The following DEPDC5 variants were observed in gnomAD, a reference collection of about 807,000 sequenced individuals.
DEPDC5 encodes the protein DEP domain containing 5, GATOR1 subcomplex subunit.
DEPDC5 carries 73 observed loss-of-function variants against 217.3 expected under a neutral mutation model. The ratio of observed to expected loss-of-function variants is 0.34; its 90% CI spans 0.28 to 0.41. The LOEUF is 0.41. Among genes scored for constraint, DEPDC5 ranks in the 10% least tolerant of loss-of-function variants. The pLI, the probability that DEPDC5 is intolerant of heterozygous loss-of-function variation, is 1.00. For missense variants in DEPDC5, 1,675 were observed against 2,070.1 expected (o/e 0.81, Z 3.70); for synonymous variants, 733 against 756.7 (o/e 0.97, Z 0.51).
At chr22:31,755,084 A>G (rs1248729953) in intron 2 of DEPDC5, 105 bp downstream of exon 2, 1 of 1,343,782 alleles carries the variant, frequency 7.4e-7, no homozygotes, top group South Asian at 1.2e-5. Context: ...GAGGCTAAAC[A>G]GGCGACTAAA....
At position 31,842,603 on chromosome 22, in the gene DEPDC5, A is replaced by T. The variant is rs570536518; in HGVS notation, c.2516-492A>T. Reference sequence around the variant, plus strand: ...AAAAAAAAAAAAAAAAAGAAACAACATGAGCAAATATTTGCAGCAAATCAA... The same window carrying T: ...AAAAAAAAAAAAAAAAAGAAACAACTTGAGCAAATATTTGCAGCAAATCAA... On this transcript the variant is annotated intron_variant, in intron 27 of 42. Coordinates refer to ENST00000651528, the MANE Select transcript of DEPDC5 (RefSeq NM_001242896.3). Among the ~76,000 whole-genome samples, 14 of 151,756 alleles carry T rather than the reference A, an allele frequency of 9.2e-5. 1 individual carries two copies. In the East Asian group the frequency reaches 2.7e-3, roughly 29 times the overall value.
chr22:31,822,118 T>C (rs1036950161), intron 23 of DEPDC5, among the ~76,000 whole-genome samples: 3 of 152,248 alleles, frequency 2.0e-5, no homozygotes, highest in African/African-American at 7.2e-5. Flanking sequence ...ACAACTCTTT[T>C]TGAACCAATG....
intron 11 of DEPDC5, 151 bp downstream of exon 11, chr22:31,792,253 A>G: frequency 1.6e-6 from 1 of 624,172 alleles, no homozygotes; most frequent in Non-Finnish European, 2.8e-6. Flanking sequence ...AAAGTAGCAC[A>G]GTCCGTTAGT....
chr22:31,810,699 T>C (rs2088191948), intron 20 of DEPDC5, 58 bp downstream of exon 20: 2 of 1,606,796 alleles, frequency 1.2e-6, no homozygotes, highest in Admixed American at 1.7e-5. Flanking sequence ...AAACCTGAAG[T>C]TCAGTAGTGA....
intron 2 of DEPDC5, 162 bp downstream of exon 2, chr22:31,755,141 G>T: frequency 1.4e-6 from 1 of 704,820 alleles, no homozygotes. Flanking sequence ...GAGGATGGCA[G>T]GACCCTTCTA....
chr22:31,830,337 T>C (rs993929648), intron 24 of DEPDC5, among the ~76,000 whole-genome samples: 1 of 152,282 alleles, frequency 6.6e-6, no homozygotes, highest in East Asian at 1.9e-4. Context: ...TGTCTGGCTT[T>C]GAACTTTGAG....
In DEPDC5 at chr22:31,906,969, A is replaced by G. The variant is rs2093768414; in HGVS notation, c.*472A>G. ...TGTACCATAGACTCTCACCAACTGT[A>G]TATACCTGTACATATCAGAAGCAAA... On this transcript the variant is annotated 3_prime_UTR_variant, in exon 43 of 43. Transcript: ENST00000651528. The surrounding 1 kb of genome is among the most constrained non-coding windows in gnomAD (Gnocchi z 5.1). The G allele has an allele frequency of 4.7e-6, 1 of 213,236 alleles. No individual in the cohort carries two copies. The highest frequency in any genetic ancestry group is 5.2e-5 in the Admixed American group (1 of 19,204). 13.2% of individuals were successfully genotyped at this position (213,236 alleles called of 1,614,324 possible).
At chr22:31,755,974 G>C (rs543251817) in intron 2 of DEPDC5, among the ~76,000 whole-genome samples, 1 of 151,238 alleles carries the variant, frequency 6.6e-6, no homozygotes, top group African/African-American at 2.4e-5. Context: ...CCAGGTTCAA[G>C]CAATTCTTCT....
chr22:31,863,591 C>T (rs1235372869), intron 33 of DEPDC5, among the ~76,000 whole-genome samples: 1 of 152,172 alleles, frequency 6.6e-6, no homozygotes, highest in African/African-American at 2.4e-5. Flanking sequence ...GGGAAGATCA[C>T]TTGAGCCCAG....
chr22:31,754,828 C>T (rs1601548496), intron 1 of DEPDC5, 34 bp from the exon 2 acceptor site: 2 of 1,451,790 alleles, frequency 1.4e-6, no homozygotes, highest in East Asian at 4.5e-5. Context: ...AAAAATCTGA[C>T]ATTCCAACCT....
rs1462054589 is a variant in DEPDC5 at position 31,857,326 on chromosome 22, A to G, written c.3156-119A>G. The G allele has an allele frequency of 9.0e-6, 7 of 776,566 alleles. No individual in the cohort carries two copies. In the Admixed American group the frequency reaches 1.4e-4, roughly 15 times the overall value. The allele number at this position is 776,566 out of a possible 1,614,324, so 48.1% of individuals were successfully genotyped here. ...ATCATGAAGGTCTGGAAAGGGAAAC[A>G]AGGCAGAAGTGTGTGTTTCAAAGAT... On this transcript the variant is annotated intron_variant, in intron 31 of 42. Transcript: ENST00000651528.
chr22:31,829,281 C>T (rs568879254), intron 24 of DEPDC5, among the ~76,000 whole-genome samples: 1 of 152,166 alleles, frequency 6.6e-6, no homozygotes, highest in Non-Finnish European at 1.5e-5. Context: ...CCTGTAATCC[C>T]AGCACTTTGG....
At chr22:31,897,832 T>C (rs2093580380) in intron 40 of DEPDC5, among the ~76,000 whole-genome samples, 179 bp downstream of exon 40, 1 of 152,206 alleles carries the variant, frequency 6.6e-6, no homozygotes, top group African/African-American at 2.4e-5. Flanking sequence ...TGGATAACTC[T>C]GGACAAATCA....
chr22:31,768,990 G>C, intron 7 of DEPDC5, 127 bp downstream of exon 7: 3 of 1,256,054 alleles, frequency 2.4e-6, no homozygotes, highest in Middle Eastern at 2.1e-4. Context: ...GCTGGCCACA[G>C]TGGCTCACGC....
At chr22:31,884,554 T>C (rs1015724439) in intron 38 of DEPDC5, among the ~76,000 whole-genome samples, 2 of 152,184 alleles carry the variant, frequency 1.3e-5, no homozygotes, top group African/African-American at 4.8e-5. Context: ...CCTTCTTCAT[T>C]TTAAAATCAG....
chr22:31,813,551 C>T (rs1441073658), intron 20 of DEPDC5, among the ~76,000 whole-genome samples: 5 of 152,142 alleles, frequency 3.3e-5, no homozygotes, highest in Non-Finnish European at 7.4e-5. Context: ...GCCAGAAGGG[C>T]AGCCCCGTTG....
At chr22:31,865,226 C>T (rs751318522) in intron 33 of DEPDC5, among the ~76,000 whole-genome samples, 14 of 152,104 alleles carry the variant, frequency 9.2e-5, no homozygotes, top group Non-Finnish European at 1.5e-4. Context: ...CGCAGCAGCC[C>T]ACGCATGTAA....
intron 20 of DEPDC5, among the ~76,000 whole-genome samples, chr22:31,813,018 G>A (rs1269416519): frequency 6.6e-6 from 1 of 152,172 alleles, no homozygotes; most frequent in Non-Finnish European, 1.5e-5. Context: ...AGGATTATAG[G>A]TGTGAGCCAC....
intron 33 of DEPDC5, among the ~76,000 whole-genome samples, chr22:31,867,367 C>T (rs1363626674): frequency 1.3e-5 from 2 of 152,162 alleles, no homozygotes; most frequent in East Asian, 3.8e-4. Flanking sequence ...CTCTGAACCT[C>T]CTGGTAGCCA....
Sources: allele counts gnomAD v4.1 joint callset (sites outside exome capture counted in the v4.1 genomes callset), GRCh38; gene constraint gnomAD v4.1.1; non-coding constraint Gnocchi (gnomAD v3.1); transcripts MANE v1.5; gene names NCBI Gene and HGNC (gene_info 2026-07-23, HGNC 2026-07-21).